Variants in SHROOM3 observed in about 807,000 individuals in gnomAD.
SHROOM3 encodes protein Shroom3.
SHROOM3 carries 47 observed loss-of-function variants against 138.6 expected under a neutral mutation model. The observed-to-expected ratio is 0.34, with a 90% confidence interval of 0.27 to 0.43. The LOEUF is 0.43. Among genes scored for constraint, SHROOM3 ranks in the 20% least tolerant of loss-of-function variants. The probability of loss-of-function intolerance (pLI) is 1.00; values close to 1 mark genes in which losing one functional copy is unlikely to be tolerated. For synonymous variants in SHROOM3, 1,062 were observed against 1,063.3 expected, an observed-to-expected ratio of 1.00 and a Z score of 0.02; for missense variants, 2,491 against 2,596.5, an observed-to-expected ratio of 0.96 and a Z score of 0.88.
chr4:76,562,252 A>G (rs1263304657), intron 2 of SHROOM3, among the ~76,000 whole-genome samples: 1 of 152,148 alleles, frequency 6.6e-6, no homozygotes, highest in Admixed American at 6.5e-5. Context: ...AAAAATGGTG[A>G]TGAAATTAAG....
In SHROOM3 at chr4:76,782,222, T is replaced by TGCTGTCGAAACCAAAC; in HGVS notation, c.*3046_*3061dup. On this transcript the variant is annotated 3_prime_UTR_variant, in exon 11 of 11. Coordinates refer to ENST00000296043, the MANE Select transcript of SHROOM3 (RefSeq NM_020859.4). Reference sequence around the variant, plus strand: ...GCCTGAGTTTCTCTATGAGACCAGATGCTGTCGAAACCAAACATCTTTTCC... The same window carrying TGCTGTCGAAACCAAAC: ...GCCTGAGTTTCTCTATGAGACCAGATGCTGTCGAAACCAAACGCTGTCGAAACCAAACATCTTTTCC... The TGCTGTCGAAACCAAAC allele has an allele frequency of 6.6e-6, 1 of 152,360 alleles. No homozygotes were observed. 9.4% of individuals were successfully genotyped at this position (152,360 alleles called of 1,614,324 possible).
At chr4:76,730,657 C>A in intron 3 of SHROOM3, 147 bp from the exon 4 acceptor site, 1 of 971,296 alleles carries the variant, frequency 1.0e-6, no homozygotes, top group Non-Finnish European at 1.5e-6. Flanking sequence ...AAATAAGTAG[C>A]AAAATCTTCT....
chr4:76,552,976 G>T (rs1406685635), intron 1 of SHROOM3, among the ~76,000 whole-genome samples: 1 of 152,052 alleles, frequency 6.6e-6, no homozygotes, highest in Non-Finnish European at 1.5e-5. Context: ...TTACTTACTT[G>T]TTTATTATGT....
chr4:76,648,689 T>C (rs1735889988), intron 2 of SHROOM3, among the ~76,000 whole-genome samples: 1 of 152,096 alleles, frequency 6.6e-6, no homozygotes, highest in Admixed American at 6.6e-5. Flanking sequence ...TGTAATAGAG[T>C]AGATCTATCT....
At chr4:76,769,214 G>A (rs115621729) in intron 9 of SHROOM3, among the ~76,000 whole-genome samples, 7 of 150,954 alleles carry the variant, frequency 4.6e-5, no homozygotes, top group African/African-American at 1.7e-4. Flanking sequence ...AGTTTGGGGT[G>A]TGCATGTGTG....
rs186569872 is a variant in SHROOM3 at position 76,642,978 on chromosome 4, G to A, written c.324-67178G>A. 8.5e-5 allele frequency among the ~76,000 whole-genome samples: 13 copies of A among 152,106 alleles called. No individual in the cohort carries two copies. In the East Asian group the frequency reaches 1.2e-3, roughly 14 times the overall value. On this transcript the variant is annotated intron_variant, in intron 2 of 10. Transcript: ENST00000296043. ...TCCCAGCACTTTGGGAGGCCGAGGC[G>A]GGCAGATCACCTGAGGTAGGGAGTT...
intron 3 of SHROOM3, among the ~76,000 whole-genome samples, chr4:76,724,437 A>AT (rs879282695): frequency 1.3e-3 from 191 of 148,684 alleles, no homozygotes; most frequent in Non-Finnish European, 2.1e-3. Context: ...TAGCTGTTTA[A>AT]TTTTTTTTTT....
intron 3 of SHROOM3, among the ~76,000 whole-genome samples, chr4:76,720,179 T>C (rs1338047078): frequency 2.9e-5 from 3 of 104,424 alleles, no homozygotes; most frequent in African/African-American, 1.3e-4. Flanking sequence ...TTTTTTTTTT[T>C]TGTGAATCCA....
intron 2 of SHROOM3, among the ~76,000 whole-genome samples, chr4:76,611,145 C>T (rs936203143): frequency 2.0e-5 from 3 of 152,112 alleles, no homozygotes; most frequent in East Asian, 1.9e-4. Context: ...CATTGTTGTG[C>T]AACCATCACC....
intron 1 of SHROOM3, among the ~76,000 whole-genome samples, chr4:76,497,476 G>A (rs762673440): frequency 3.9e-5 from 6 of 152,208 alleles, no homozygotes; most frequent in Non-Finnish European, 8.8e-5. Flanking sequence ...CATAGAGACT[G>A]TGCAATGTTT....
At chr4:76,642,262 A>T (rs1169240780) in intron 2 of SHROOM3, among the ~76,000 whole-genome samples, 1 of 152,174 alleles carries the variant, frequency 6.6e-6, no homozygotes, top group African/African-American at 2.4e-5. Flanking sequence ...CTAAATGTCT[A>T]AAGCCTGATC....
At position 76,775,814 on chromosome 4, in the gene SHROOM3, T is replaced by TACAC. The variant is rs560738392; in HGVS notation, c.5623-2994_5623-2993insCACA. 4.7e-3 allele frequency among the ~76,000 whole-genome samples: 705 copies of TACAC among 151,386 alleles called. 4 individuals carry two copies. The highest frequency in any genetic ancestry group is 0.016 in the African/African-American group (675 of 41,294). ...CATATATATACACACATACTATATATATACACACACACACACACATACATA... is the reference window on the plus strand; with the variant it reads ...CATATATATACACACATACTATATATACACATACACACACACACACACATACATA... On this transcript the variant is annotated intron_variant, in intron 10 of 10. Transcript: ENST00000296043.
intron 2 of SHROOM3, among the ~76,000 whole-genome samples, chr4:76,667,544 G>A (rs568344988): frequency 6.6e-6 from 1 of 152,106 alleles, no homozygotes; most frequent in South Asian, 2.1e-4. Context: ...CAACTCATGG[G>A]CTCAAGCAAT....
intron 2 of SHROOM3, among the ~76,000 whole-genome samples, chr4:76,694,747 T>G (rs923789620): frequency 3.3e-5 from 5 of 152,234 alleles, no homozygotes; most frequent in Non-Finnish European, 7.3e-5. Flanking sequence ...TAAATATAAC[T>G]AGGCTGGCAC....
At chr4:76,768,618 C>G (rs553586050) in intron 9 of SHROOM3, among the ~76,000 whole-genome samples, 4 of 151,930 alleles carry the variant, frequency 2.6e-5, no homozygotes, top group Admixed American at 2.6e-4. Context: ...TCAAGCGATT[C>G]TCCTGCCTCA....
intron 2 of SHROOM3, among the ~76,000 whole-genome samples, chr4:76,662,287 G>A (rs890025172): frequency 6.6e-6 from 1 of 152,110 alleles, no homozygotes; most frequent in Non-Finnish European, 1.5e-5. Context: ...GTAGGATGAA[G>A]TCCCCATTTC....
At chr4:76,689,455 C>G in intron 2 of SHROOM3, 9 of 915,950 alleles carry the variant, frequency 9.8e-6, no homozygotes, top group Non-Finnish European at 1.2e-5. Context: ...GCGAGCGCCC[C>G]GCACCCTCGG....
intron 2 of SHROOM3, among the ~76,000 whole-genome samples, chr4:76,643,192 AT>A (rs1393079606): frequency 7.4e-6 from 1 of 134,468 alleles, no homozygotes; most frequent in Non-Finnish European, 1.6e-5. Flanking sequence ...CCATCGTGCC[AT>A]TTTTTGAGAT....
intron 9 of SHROOM3, among the ~76,000 whole-genome samples, chr4:76,762,484 A>G: frequency 6.6e-6 from 1 of 152,178 alleles, no homozygotes; most frequent in South Asian, 2.1e-4. Flanking sequence ...GGGGGATGAT[A>G]CCCACTTGCC....
Sources: gnomAD v4.1 joint callset for allele counts (sites outside exome capture counted in the v4.1 genomes callset) on GRCh38, gnomAD v4.1.1 for gene constraint, MANE v1.5 for transcripts, NCBI Gene and HGNC (gene_info 2026-07-23, HGNC 2026-07-21) for gene names.